Variants in PAK1 observed in about 807,000 individuals in gnomAD.
PAK1 encodes p21 (RAC1) activated kinase 1, also known as serine/threonine-protein kinase PAK 1.
PAK1 carries 29 observed loss-of-function variants against 67.4 expected under a neutral mutation model. The ratio of observed to expected loss-of-function variants is 0.43; its 90% CI spans 0.32 to 0.59. The LOEUF (loss-of-function observed/expected upper bound fraction) is 0.59, where lower values mean the gene tolerates loss of function less well. PAK1 is among the 20% of genes least tolerant of loss of function. The pLI is 0.07. For synonymous variants in PAK1, 223 were observed against 237.4 expected, an observed-to-expected ratio of 0.94 and a Z score of 0.56; for missense variants, 337 against 670.7, an observed-to-expected ratio of 0.50 and a Z score of 5.50.
chr11:77,329,979 A>G (rs1941068320), intron 14 of PAK1, among the ~76,000 whole-genome samples: 1 of 151,890 alleles, frequency 6.6e-6, no homozygotes, highest in African/African-American at 2.4e-5. Flanking sequence ...AAGCATTCTT[A>G]TACACCAATG....
intron 5 of PAK1, among the ~76,000 whole-genome samples, chr11:77,361,506 T>G (rs925744076): frequency 1.3e-5 from 2 of 152,202 alleles, no homozygotes; most frequent in Non-Finnish European, 2.9e-5. Flanking sequence ...CTCTGGAGTT[T>G]AGACCTAGAA....
the PAK1 span, among the ~76,000 whole-genome samples, chr11:77,525,110 C>T: frequency 2.2e-4 from 33 of 150,766 alleles, no homozygotes; most frequent in Non-Finnish European, 4.3e-4. Flanking sequence ...GTTGGGAGGT[C>T]GAGGTGGGCA....
At chr11:77,490,363 C>G in the PAK1 span, among the ~76,000 whole-genome samples, 2 of 145,706 alleles carry the variant, frequency 1.4e-5, no homozygotes, top group African/African-American at 2.6e-5. Context: ...CCAGCCGCCC[C>G]GTCCGGGAGG....
rs1942652879 is a variant in PAK1, at chr11:77,336,158, G to T, written c.1341C>A (p.Ile447=). ...CGATGGCCATGATGCCCAGGGACCA[G>T]ATGTCAACCTTGGGCCCATAGGCCT... ...TRKAYGPKVD[I]WSLGIMAIEM... Residue 447 remains isoleucine, a synonymous_variant, in exon 13 of 15, where the codon ATC becomes ATA. Coordinates refer to ENST00000356341, the MANE Select transcript of PAK1 (RefSeq NM_002576.5). The T allele has an allele frequency of 1.2e-6, 2 of 1,613,482 alleles. No homozygotes were observed. Among genetic ancestry groups the T allele is most frequent in the Admixed American group, 1.7e-5 (1 of 60,004 alleles).
At chr11:77,502,384 T>C in the PAK1 span, among the ~76,000 whole-genome samples, 1 of 152,242 alleles carries the variant, frequency 6.6e-6, no homozygotes. Context: ...GTTTTAAAAC[T>C]AAACGTTTAT....
At chr11:77,447,850 A>G (rs907683372) in intron 1 of PAK1, among the ~76,000 whole-genome samples, 2 of 152,190 alleles carry the variant, frequency 1.3e-5, no homozygotes, top group African/African-American at 4.8e-5. Context: ...TTAAAATGCC[A>G]AATTACAGAA....
At chr11:77,373,951 T>C (rs1016984716) in intron 5 of PAK1, among the ~76,000 whole-genome samples, 4 of 152,206 alleles carry the variant, frequency 2.6e-5, no homozygotes, top group African/African-American at 9.7e-5. Flanking sequence ...CCTCATTTTA[T>C]TGATGAAGAA....
chr11:77,425,684 C>T (rs956390089), intron 1 of PAK1, among the ~76,000 whole-genome samples: 2 of 152,162 alleles, frequency 1.3e-5, no homozygotes, highest in Non-Finnish European at 2.9e-5. Context: ...AAGCCTAGCA[C>T]CGTGTAAGGC....
chr11:77,368,694 C>T (rs566527116), intron 5 of PAK1, among the ~76,000 whole-genome samples: 12 of 152,128 alleles, frequency 7.9e-5, no homozygotes, highest in South Asian at 2.1e-4. Flanking sequence ...TCCCACTCTG[C>T]GGCCCAGGCT....
intron 3 of PAK1, 128 bp from the exon 4 acceptor site, chr11:77,379,516 A>G: frequency 1.3e-6 from 1 of 786,552 alleles, no homozygotes; most frequent in Non-Finnish European, 2.0e-6. Flanking sequence ...TTCTCTCTAT[A>G]CTCTCAGAGT....
intron 5 of PAK1, among the ~76,000 whole-genome samples, chr11:77,373,979 CA>C (rs1948769760): frequency 6.6e-6 from 1 of 152,124 alleles, no homozygotes; most frequent in Admixed American, 6.6e-5. Flanking sequence ...CTCAAAGAGG[CA>C]AACTGACTTT....
chr11:77,455,042 C>T (rs548243326), intron 1 of PAK1, among the ~76,000 whole-genome samples: 1 of 152,246 alleles, frequency 6.6e-6, no homozygotes, highest in East Asian at 1.9e-4. Context: ...AGCTTATCTC[C>T]CCAGCTGGTC....
At chr11:77,373,619 A>G (rs2136962316) in intron 5 of PAK1, among the ~76,000 whole-genome samples, 1 of 150,424 alleles carries the variant, frequency 6.6e-6, no homozygotes, top group African/African-American at 2.4e-5. Flanking sequence ...TTTACTATTT[A>G]TAGGACCCTT....
intron 1 of PAK1, among the ~76,000 whole-genome samples, chr11:77,450,284 TTTACCTGATCATGTGGG>T (rs992656618): frequency 8.5e-5 from 13 of 152,124 alleles, no homozygotes; most frequent in African/African-American, 3.1e-4. Context: ...GAGAATGATG[TTTACCTGATCATGTGGG>T]TTTCATGCTC....
intron 1 of PAK1, among the ~76,000 whole-genome samples, chr11:77,430,895 G>A (rs1205987005): frequency 6.6e-6 from 1 of 152,212 alleles, no homozygotes; most frequent in East Asian, 1.9e-4. Context: ...GGGCCTCACA[G>A]AAGGGGACAA....
intron 1 of PAK1, among the ~76,000 whole-genome samples, chr11:77,442,364 C>T (rs527971252): frequency 6.6e-6 from 1 of 152,264 alleles, no homozygotes; most frequent in East Asian, 1.9e-4. Context: ...GACACAGCAG[C>T]TTCTGTTTTG....
At chr11:77,459,121 A>C (rs1957205932) in intron 1 of PAK1, among the ~76,000 whole-genome samples, 1 of 152,220 alleles carries the variant, frequency 6.6e-6, no homozygotes, top group Non-Finnish European at 1.5e-5. Context: ...AGAGAGATAG[A>C]GTAGGGTTAG....
chr11:77,379,525 GT>G, intron 3 of PAK1, 137 bp from the exon 4 acceptor site: 1 of 717,360 alleles, frequency 1.4e-6, no homozygotes, highest in Non-Finnish European at 2.3e-6. Context: ...TACTCTCAGA[GT>G]TTACACAAGC....
At position 77,332,846 on chromosome 11, in the gene PAK1, T is replaced by A; in HGVS notation, c.1435A>T (p.Asn479Tyr). The A allele has an allele frequency of 6.2e-7, 1 of 1,613,898 alleles. No homozygotes were observed. Among genetic ancestry groups the A allele is most frequent in the Non-Finnish European group, 8.5e-7 (1 of 1,179,822 alleles). The change falls in exon 14 of 15, where the codon AAT becomes TAT. Residue 479 changes from asparagine (N) to tyrosine (Y), a missense_variant. By Grantham distance (143) the Asn-to-Tyr change is moderately radical. Coordinates refer to ENST00000356341, the MANE Select transcript of PAK1 (RefSeq NM_002576.5). Reference protein sequence around the residue: ...PLRALYLIATNGTPELQNPEK... With the variant: ...PLRALYLIATYGTPELQNPEK... The stretch of plus-strand genomic sequence containing the variant: ...GGGTTCTGAAGTTCTGGGGTCCCAT[T>A]GGTGGCAATGAGGTACAAGGCCTGG...
Sources: gnomAD v4.1 joint callset for allele counts (sites outside exome capture counted in the v4.1 genomes callset) on GRCh38, gnomAD v4.1.1 for gene constraint, MANE v1.5 for transcripts, NCBI Gene and HGNC (gene_info 2026-07-23, HGNC 2026-07-21) for gene names.